Variants in TRABD2B observed in about 807,000 individuals in gnomAD.
TRABD2B encodes metalloprotease TIKI2.
A neutral mutation model predicts 40.1 loss-of-function variants in TRABD2B; 14 were observed. The ratio of observed to expected loss-of-function variants is 0.35; its 90% CI spans 0.23 to 0.55. The LOEUF is 0.55. Among genes scored for constraint, TRABD2B ranks in the 20% least tolerant of loss-of-function variants. TRABD2B has a pLI of 0.90. For missense variants in TRABD2B, 541 were observed against 648.6 expected (o/e 0.83, Z 1.80); for synonymous variants, 263 against 277.0 (o/e 0.95, Z 0.50).
intron 2 of TRABD2B, among the ~76,000 whole-genome samples, chr1:47,909,457 A>G (rs1195017854): frequency 7.2e-6 from 1 of 138,552 alleles, no homozygotes; most frequent in East Asian, 2.2e-4. Flanking sequence ...AAGAAGAAGG[A>G]GAAGGAGAAG....
intron 2 of TRABD2B, among the ~76,000 whole-genome samples, chr1:47,965,762 T>C (rs920388805): frequency 4.6e-5 from 7 of 152,160 alleles, no homozygotes; most frequent in African/African-American, 1.7e-4. Flanking sequence ...CTTCTACTTC[T>C]AGGATACTAG....
intron 2 of TRABD2B, among the ~76,000 whole-genome samples, chr1:47,880,310 G>A (rs952161300): frequency 4.0e-5 from 6 of 151,674 alleles, no homozygotes; most frequent in African/African-American, 9.7e-5. Context: ...AGTGAGACTC[G>A]GTCTCCCCAC....
chr1:47,783,628 A>T (rs952228303), intron 4 of TRABD2B, among the ~76,000 whole-genome samples: 1 of 152,252 alleles, frequency 6.6e-6, no homozygotes, highest in Non-Finnish European at 1.5e-5. Flanking sequence ...AAGGACACTT[A>T]TATACAAACA....
chr1:47,836,060 A>G (rs1372078426), intron 2 of TRABD2B, among the ~76,000 whole-genome samples: 1 of 152,230 alleles, frequency 6.6e-6, no homozygotes, highest in Non-Finnish European at 1.5e-5. Flanking sequence ...CTACACAGAA[A>G]AAGTTTTTAT....
intron 2 of TRABD2B, among the ~76,000 whole-genome samples, chr1:47,846,879 C>CACACACACAA (rs1645478545): frequency 2.0e-5 from 3 of 151,762 alleles, no homozygotes; most frequent in African/African-American, 7.3e-5. Context: ...CACACACACA[C>CACACACACAA]ACACACACAC....
chr1:47,839,175 C>T (rs766051135), intron 2 of TRABD2B, among the ~76,000 whole-genome samples: 9 of 152,066 alleles, frequency 5.9e-5, no homozygotes, highest in Non-Finnish European at 1.0e-4. Context: ...ATGGAGTAAG[C>T]GTTACCCGAG....
At position 47,783,577 on chromosome 1, in the gene TRABD2B, A is replaced by C. The variant is rs114376847; in HGVS notation, c.989-5033T>G. 4.8e-3 allele frequency among the ~76,000 whole-genome samples: 729 copies of C among 152,302 alleles called. 5 individuals carry two copies. The highest frequency in any genetic ancestry group is 0.017 in the African/African-American group (700 of 41,564). On this transcript the variant is annotated intron_variant, in intron 4 of 6. Coordinates refer to ENST00000606738, the MANE Select transcript of TRABD2B (RefSeq NM_001194986.2). ...GGATCTTAAAAATTGCGGGGCTGGG[A>C]TGGTGCCTGCCTACCTTGAGAGAAG...
At chr1:47,853,279 G>A (rs1285292567) in intron 2 of TRABD2B, among the ~76,000 whole-genome samples, 1 of 152,160 alleles carries the variant, frequency 6.6e-6, no homozygotes, top group Non-Finnish European at 1.5e-5. Context: ...AACGCACCCC[G>A]GCATTGTCTA....
At chr1:47,927,459 C>T (rs1644984440) in intron 2 of TRABD2B, among the ~76,000 whole-genome samples, 1 of 152,240 alleles carries the variant, frequency 6.6e-6, no homozygotes. Context: ...CGTGGACAGG[C>T]TTCTGGGCTG....
At chr1:47,788,071 A>G (rs1243819494) in intron 4 of TRABD2B, among the ~76,000 whole-genome samples, 1 of 152,156 alleles carries the variant, frequency 6.6e-6, no homozygotes, top group Non-Finnish European at 1.5e-5. Context: ...AGACTCTCTG[A>G]CATCCCATCT....
Position 47,881,121 on chromosome 1 carries a change from G to A in TRABD2B, c.667-79502C>T, listed in dbSNP as rs578114784. On this transcript the variant is annotated intron_variant, in intron 2 of 6. Coordinates refer to ENST00000606738, the MANE Select transcript of TRABD2B (RefSeq NM_001194986.2). ...TCCACAGCCAAGAATCTGGTTTTCA[G>A]TTTTCCTTAATCCTGCATGGTCTGG... is the stretch of plus-strand genomic sequence containing the variant. Among the ~76,000 whole-genome samples the A allele has an allele frequency of 6.6e-5, 10 of 152,320 alleles. No individual in the cohort carries two copies. In the South Asian group the frequency reaches 2.1e-3, roughly 32 times the overall value.
intron 2 of TRABD2B, among the ~76,000 whole-genome samples, chr1:47,889,280 C>T (rs1157789150): frequency 3.3e-5 from 5 of 152,232 alleles, no homozygotes; most frequent in Non-Finnish European, 7.3e-5. Context: ...TCTGCCCCAC[C>T]ATGCAGAAGC....
chr1:47,951,161 C>A lies in TRABD2B; in HGVS notation c.666+42873G>T, dbSNP rs183647179. On this transcript the variant is annotated intron_variant, in intron 2 of 6. Coordinates refer to ENST00000606738, the MANE Select transcript of TRABD2B (RefSeq NM_001194986.2). ...CTTTCCTCCCCAGCGCCAAGCCAAG[C>A]GGGCAGCAGCAGGCCCACTGCACCA... is the stretch of plus-strand genomic sequence containing the variant. 3.3e-5 allele frequency among the ~76,000 whole-genome samples: 5 copies of A among 152,150 alleles called. No homozygotes were observed. In the East Asian group the frequency reaches 9.7e-4, roughly 29 times the overall value.
At chr1:47,805,524 T>C (rs1391239495) in intron 2 of TRABD2B, among the ~76,000 whole-genome samples, 1 of 152,092 alleles carries the variant, frequency 6.6e-6, no homozygotes, top group Non-Finnish European at 1.5e-5. Flanking sequence ...TCTCACTGAA[T>C]TGTCCCTGTT....
chr1:47,790,006 G>A (rs1430617695), intron 4 of TRABD2B, among the ~76,000 whole-genome samples: 1 of 151,372 alleles, frequency 6.6e-6, no homozygotes, highest in Admixed American at 6.6e-5. Flanking sequence ...TTTGCCAAAT[G>A]AGGACTTTGA....
At chr1:47,882,582 G>A (rs1177821573) in intron 2 of TRABD2B, among the ~76,000 whole-genome samples, 1 of 152,174 alleles carries the variant, frequency 6.6e-6, no homozygotes, top group Admixed American at 6.5e-5. Context: ...GGGTGTTTGT[G>A]TATGCAATAG....
chr1:47,904,393 T>C (rs1644647906), intron 2 of TRABD2B, among the ~76,000 whole-genome samples: 1 of 151,950 alleles, frequency 6.6e-6, no homozygotes, highest in Non-Finnish European at 1.5e-5. Context: ...AAGACATTTA[T>C]ATGATGGTTC....
At chr1:47,778,646 T>A in intron 4 of TRABD2B, 102 bp from the exon 5 acceptor site, 1 of 794,892 alleles carries the variant, frequency 1.3e-6, no homozygotes, top group Non-Finnish European at 2.1e-6. Context: ...GCCAGTGACC[T>A]ACACCAAAGT....
At chr1:47,837,420 T>A (rs1645333812) in intron 2 of TRABD2B, among the ~76,000 whole-genome samples, 1 of 152,168 alleles carries the variant, frequency 6.6e-6, no homozygotes, top group African/African-American at 2.4e-5. Context: ...CTCTACCCAA[T>A]GCAGCCCCAT....
Sources: allele counts gnomAD v4.1 joint callset (sites outside exome capture counted in the v4.1 genomes callset), GRCh38; gene constraint gnomAD v4.1.1; transcripts MANE v1.5; gene names NCBI Gene and HGNC (gene_info 2026-07-23, HGNC 2026-07-21).